Variants in SAMD5 observed in about 807,000 individuals in gnomAD.
The protein encoded by SAMD5 is sterile alpha motif domain-containing protein 5.
In SAMD5, 13 loss-of-function variants were observed where a neutral mutation model predicts 11.3. That is an observed-to-expected ratio of 1.15 (90% CI 0.75 to 1.83). The LOEUF (loss-of-function observed/expected upper bound fraction) is 1.83. Among genes scored for constraint, SAMD5 ranks in the 40% most tolerant of loss-of-function variants. The pLI, the probability that SAMD5 is intolerant of heterozygous loss-of-function variation, is 0.00. For synonymous variants in SAMD5, 129 were observed against 111.3 expected, an observed-to-expected ratio of 1.16 and a Z score of -1.00; for missense variants, 255 against 239.1, an observed-to-expected ratio of 1.07 and a Z score of -0.44.
Position 147,568,806 on chromosome 6 carries a change from C to T in SAMD5, c.*4350C>T. The T allele has an allele frequency of 1.0e-6, 1 of 957,904 alleles. No homozygotes were observed. Among genetic ancestry groups the T allele is most frequent in the Non-Finnish European group, 1.2e-6 (1 of 804,976 alleles). The allele number at this position is 957,904 out of a possible 1,614,324, so 59.3% of individuals were successfully genotyped here. On this transcript the variant is annotated 3_prime_UTR_variant, in exon 2 of 2. Coordinates refer to ENST00000367474, the MANE Select transcript of SAMD5 (RefSeq NM_001030060.3). ...TCAGATTCTTTGATTAAAAAATCAT[C>T]TTCAGCTTTACATTATTAATCTCTG...
intron 1 of SAMD5, among the ~76,000 whole-genome samples, chr6:147,603,665 G>A (rs1419413234): frequency 1.3e-5 from 2 of 152,076 alleles, no homozygotes; most frequent in South Asian, 4.2e-4. Flanking sequence ...AGCCAAGTCT[G>A]GAACACAGGT....
chr6:147,718,736 G>C (rs760993119), intron 1 of SAMD5, among the ~76,000 whole-genome samples: 10 of 151,966 alleles, frequency 6.6e-5, no homozygotes, highest in Non-Finnish European at 1.0e-4. Flanking sequence ...TGTTGCCAAG[G>C]CTAAAGTACA....
intron 1 of SAMD5, among the ~76,000 whole-genome samples, chr6:147,597,008 G>T (rs895233458): frequency 1.3e-5 from 2 of 152,142 alleles, no homozygotes; most frequent in South Asian, 4.1e-4. Flanking sequence ...AGTCCTTATG[G>T]TTCTGGGTTA....
the SAMD5 span, among the ~76,000 whole-genome samples, chr6:147,905,342 C>T: frequency 1.3e-5 from 2 of 152,202 alleles, no homozygotes; most frequent in African/African-American, 2.4e-5. Flanking sequence ...CCACCATGCC[C>T]GGCTATTTTT....
chr6:147,734,469 C>T (rs1306093500), intron 1 of SAMD5, among the ~76,000 whole-genome samples: 1 of 152,084 alleles, frequency 6.6e-6, no homozygotes, highest in Non-Finnish European at 1.5e-5. Context: ...GTAATCCCAG[C>T]ATTCTGGGAG....
At chr6:147,815,803 G>A in the SAMD5 span, among the ~76,000 whole-genome samples, 2 of 152,074 alleles carry the variant, frequency 1.3e-5, no homozygotes, top group South Asian at 4.2e-4. Flanking sequence ...ATGGGTCAGT[G>A]TCCTATGAGT....
chr6:147,649,790 CAAA>C (rs34595414), intron 1 of SAMD5, among the ~76,000 whole-genome samples: 9 of 106,408 alleles, frequency 8.5e-5, no homozygotes, highest in Admixed American at 9.2e-5. Flanking sequence ...GACAACGTCT[CAAA>C]AAAAAAAAAA....
chr6:147,719,171 A>G (rs946926749), intron 1 of SAMD5, among the ~76,000 whole-genome samples: 2 of 152,206 alleles, frequency 1.3e-5, no homozygotes, highest in Admixed American at 1.3e-4. Context: ...GCTATTCTAG[A>G]GAGTCAGAAA....
the SAMD5 span, among the ~76,000 whole-genome samples, chr6:147,847,915 C>T: frequency 6.6e-6 from 1 of 152,166 alleles, no homozygotes; most frequent in Non-Finnish European, 1.5e-5. Flanking sequence ...ATGTAGTCTT[C>T]TGTCTTTTGA....
At chr6:147,753,910 C>T in the SAMD5 span, among the ~76,000 whole-genome samples, 2 of 152,148 alleles carry the variant, frequency 1.3e-5, no homozygotes, top group African/African-American at 4.8e-5. Flanking sequence ...CTGAATAGTA[C>T]TCCATTGTGT....
chr6:147,593,793 T>C (rs943516716), intron 1 of SAMD5, among the ~76,000 whole-genome samples: 1 of 152,144 alleles, frequency 6.6e-6, no homozygotes, highest in South Asian at 2.1e-4. Context: ...GTAGGAGCTC[T>C]AAGACTCTTT....
chr6:147,701,952 C>G (rs1791259161), intron 1 of SAMD5, among the ~76,000 whole-genome samples: 1 of 152,144 alleles, frequency 6.6e-6, no homozygotes, highest in African/African-American at 2.4e-5. Context: ...CTTGAGGAAC[C>G]TGACTAAAGA....
At position 147,735,383 on chromosome 6, in the gene SAMD5, G is replaced by A. The variant is rs868395403; in HGVS notation, c.163-1934G>A. ...ATGACTTTTTTGTGTGTGAAGAGAT[G>A]CCTGATTCCTATTACTGCTCACTGT... On this transcript the variant is annotated intron_variant, in intron 1 of 1. Coordinates refer to the SAMD5 transcript ENST00000566741. 8.5e-5 allele frequency among the ~76,000 whole-genome samples: 13 copies of A among 152,256 alleles called. 1 individual carries two copies. The Middle Eastern group carries it at 0.014, about 159-fold the overall frequency.
chr6:147,838,538 C>G, the SAMD5 span, among the ~76,000 whole-genome samples: 1 of 143,216 alleles, frequency 7.0e-6, no homozygotes, highest in Non-Finnish European at 1.5e-5. Flanking sequence ...CCTGCCCCCC[C>G]CCCGTAGTTA....
At chr6:147,877,193 T>G in the SAMD5 span, among the ~76,000 whole-genome samples, 2 of 152,152 alleles carry the variant, frequency 1.3e-5, no homozygotes, top group Non-Finnish European at 2.9e-5. Flanking sequence ...TGGCGCATAG[T>G]ATTAAATATT....
chr6:147,670,585 G>C (rs772728262), intron 1 of SAMD5, among the ~76,000 whole-genome samples: 17 of 152,170 alleles, frequency 1.1e-4, no homozygotes, highest in Non-Finnish European at 2.5e-4. Flanking sequence ...AGCACTTCCT[G>C]CTTCACCTTG....
chr6:147,807,267 T>C, the SAMD5 span, among the ~76,000 whole-genome samples: 2 of 148,348 alleles, frequency 1.3e-5, no homozygotes, highest in African/African-American at 4.9e-5. Flanking sequence ...GCCTGGCTAA[T>C]TTTTTTTTTG....
intron 1 of SAMD5, among the ~76,000 whole-genome samples, chr6:147,735,217 C>T (rs950772342): frequency 1.3e-5 from 2 of 152,116 alleles, no homozygotes; most frequent in African/African-American, 4.8e-5. Context: ...TGGATGATGG[C>T]CTGTCTCTAT....
At chr6:147,752,811 A>G in the SAMD5 span, among the ~76,000 whole-genome samples, 1,651 of 152,312 alleles carry the variant, frequency 0.011, 29 homozygotes, top group East Asian at 0.073. Flanking sequence ...TATGCTAACT[A>G]GAGACTTCAG....
Sources: allele counts gnomAD v4.1 joint callset (sites outside exome capture counted in the v4.1 genomes callset), GRCh38; gene constraint gnomAD v4.1.1; transcripts MANE v1.5; gene names NCBI Gene and HGNC (gene_info 2026-07-23, HGNC 2026-07-21).